The following PPP4R2 variants were observed in gnomAD, a reference collection of about 807,000 sequenced individuals.
PPP4R2 encodes serine/threonine-protein phosphatase 4 regulatory subunit 2.
A neutral mutation model predicts 47.2 loss-of-function variants in PPP4R2; 13 were observed. That is an observed-to-expected ratio of 0.28 (90% CI 0.18 to 0.44). The LOEUF is 0.44. PPP4R2 is among the 20% of genes least tolerant of loss of function. The pLI is 1.00. For synonymous variants in PPP4R2, 151 were observed against 163.3 expected (o/e 0.92, Z 0.57); for missense variants, 421 against 491.2 (o/e 0.86, Z 1.35).
At chr3:73,058,871 T>C (rs1340962852) in intron 3 of PPP4R2, among the ~76,000 whole-genome samples, 166 bp from the exon 4 acceptor site, 2 of 151,590 alleles carry the variant, frequency 1.3e-5, no homozygotes, top group South Asian at 2.1e-4. Flanking sequence ...GCTTATTTTA[T>C]TGTCTTTTTT....
At chr3:73,031,136 CAT>C (rs1575861156) in intron 2 of PPP4R2, among the ~76,000 whole-genome samples, 1 of 152,156 alleles carries the variant, frequency 6.6e-6, no homozygotes, top group African/African-American at 2.4e-5. Flanking sequence ...GTAAGTATAA[CAT>C]ATGTAAATGT....
chr3:73,010,009 C>T (rs550048041), intron 2 of PPP4R2, among the ~76,000 whole-genome samples: 18 of 152,238 alleles, frequency 1.2e-4, no homozygotes, highest in African/African-American at 3.4e-4. Flanking sequence ...CCATCCCTAT[C>T]GGATACCTTG....
chr3:73,042,080 T>C (rs1702390334), intron 2 of PPP4R2, among the ~76,000 whole-genome samples: 1 of 152,182 alleles, frequency 6.6e-6, no homozygotes, highest in African/African-American at 2.4e-5. Flanking sequence ...GTGATTAATT[T>C]CAGTACATTA....
intron 2 of PPP4R2, among the ~76,000 whole-genome samples, chr3:73,029,518 CT>C (rs1453109353): frequency 6.6e-6 from 1 of 152,110 alleles, no homozygotes; most frequent in Non-Finnish European, 1.5e-5. Flanking sequence ...TCAGTAGTGA[CT>C]CAGGAGTTTG....
intron 3 of PPP4R2, among the ~76,000 whole-genome samples, chr3:73,054,308 A>T (rs1223420044): frequency 1.3e-5 from 2 of 152,200 alleles, no homozygotes; most frequent in Non-Finnish European, 2.9e-5. Context: ...TCATAAATAT[A>T]AATATTTATG....
intron 5 of PPP4R2, 36 bp from the exon 6 acceptor site, chr3:73,063,637 T>G (rs759795020): frequency 1.8e-5 from 24 of 1,307,452 alleles, no homozygotes; most frequent in Non-Finnish European, 2.4e-5. Context: ...TAAAAAAAAA[T>G]TAAGTCATCC....
chr3:73,062,156 C>A (rs771820903), intron 5 of PPP4R2: 2 of 1,548,056 alleles, frequency 1.3e-6, no homozygotes, highest in East Asian at 2.4e-5. Flanking sequence ...ACAGATCTTA[C>A]AAAAGATCTT....
chr3:73,048,753 A>G (rs1346391295), intron 3 of PPP4R2, among the ~76,000 whole-genome samples: 1 of 152,238 alleles, frequency 6.6e-6, no homozygotes, highest in East Asian at 1.9e-4. Flanking sequence ...TTTAGATGGC[A>G]TAAATGGCTT....
Position 73,059,117 on chromosome 3 carries a change from G to A in PPP4R2, c.368G>A (p.Arg123Lys), listed in dbSNP as rs748641752. 1 of 1,529,930 alleles carries A rather than the reference G, an allele frequency of 6.5e-7. No individual in the cohort carries two copies. Among genetic ancestry groups the A allele is most frequent in the Non-Finnish European group, 9.0e-7 (1 of 1,116,192 alleles). The allele number at this position is 1,529,930 out of a possible 1,614,324, so 94.8% of individuals were successfully genotyped here. A position where few individuals can be genotyped will look rare whatever the true frequency, so the allele number is the denominator to read the frequency against. ...TATACAGGAACAGACAAATTTCTCA[G>A]AGGAGTAGAAAAGGTATTTATTTTA... ...RNYTGTDKFL[R>K]GVEKNVMVVS... Residue 123 changes from arginine to lysine, a missense_variant, in exon 4 of 9, where the codon AGA becomes AAA. Transcript: ENST00000356692.
At chr3:73,056,170 T>A (rs1022245228) in intron 3 of PPP4R2, among the ~76,000 whole-genome samples, 8 of 152,218 alleles carry the variant, frequency 5.3e-5, no homozygotes, top group African/African-American at 1.9e-4. Flanking sequence ...AATGCTTTCA[T>A]TTTGTACTGG....
chr3:73,006,507 C>T (rs929872272), intron 2 of PPP4R2, among the ~76,000 whole-genome samples: 1 of 152,126 alleles, frequency 6.6e-6, no homozygotes, highest in Non-Finnish European at 1.5e-5. Context: ...GCTTTTCTAA[C>T]TACATGGAGC....
chr3:73,018,846 A>G (rs1448748584), intron 2 of PPP4R2, among the ~76,000 whole-genome samples: 3 of 151,968 alleles, frequency 2.0e-5, no homozygotes, highest in Non-Finnish European at 4.4e-5. Context: ...GTTTTCTTGG[A>G]TCTCCTTTTC....
At chr3:73,040,902 T>C (rs1300494630) in intron 2 of PPP4R2, among the ~76,000 whole-genome samples, 3 of 152,122 alleles carry the variant, frequency 2.0e-5, no homozygotes, top group Non-Finnish European at 4.4e-5. Context: ...GTTTGTCCCA[T>C]GCAAATACCC....
chr3:73,040,294 A>G (rs761515656), intron 2 of PPP4R2, among the ~76,000 whole-genome samples: 2 of 152,332 alleles, frequency 1.3e-5, no homozygotes, highest in Non-Finnish European at 2.9e-5. Flanking sequence ...TGATGACACT[A>G]CAAAGTATGG....
intron 2 of PPP4R2, among the ~76,000 whole-genome samples, chr3:72,998,758 T>TAA (rs1340389438): frequency 6.6e-6 from 1 of 152,332 alleles, no homozygotes; most frequent in East Asian, 1.9e-4. Context: ...ATCTGAAACT[T>TAA]ACGCTATAAA....
intron 2 of PPP4R2, among the ~76,000 whole-genome samples, chr3:73,015,328 T>C (rs1701803294): frequency 6.6e-6 from 1 of 151,792 alleles, no homozygotes; most frequent in Admixed American, 6.6e-5. Context: ...TACAGGTGTG[T>C]ATCATGCCCA....
At chr3:73,051,456 C>T (rs1325475684) in intron 3 of PPP4R2, among the ~76,000 whole-genome samples, 1 of 151,926 alleles carries the variant, frequency 6.6e-6, no homozygotes, top group Non-Finnish European at 1.5e-5. Flanking sequence ...TGTGAATTGC[C>T]CTTTATATCT....
intron 2 of PPP4R2, among the ~76,000 whole-genome samples, chr3:73,014,086 A>G (rs1701777626): frequency 7.7e-6 from 1 of 129,886 alleles, no homozygotes; most frequent in South Asian, 2.4e-4. Flanking sequence ...ACCAATTCAA[A>G]CAGTGCTTAA....
At position 72,998,068 on chromosome 3, in the gene PPP4R2, TTCA is replaced by T; in HGVS notation, c.35-6_35-4del. ...AACTGATAACGTTTTTTTTTCTTCCTTCATCTAGATTTTGAGAAGAGGGGGAAA... is the reference window on the plus strand; with the variant it reads ...AACTGATAACGTTTTTTTTTCTTCCTTCTAGATTTTGAGAAGAGGGGGAAA... On this transcript the variant is annotated splice_region_variant and splice_polypyrimidine_tract_variant and intron_variant, in intron 1 of 8. Transcript: ENST00000356692. 1 of 1,589,420 alleles carries T rather than the reference TTCA, an allele frequency of 6.3e-7. No homozygotes were observed. The highest frequency in any genetic ancestry group is 1.1e-5 in the South Asian group (1 of 87,312).
Sources: gnomAD v4.1 joint callset for allele counts (sites outside exome capture counted in the v4.1 genomes callset) on GRCh38, gnomAD v4.1.1 for gene constraint, MANE v1.5 for transcripts, NCBI Gene and HGNC (gene_info 2026-07-23, HGNC 2026-07-21) for gene names.